PLXNA4: variants seen among roughly 807,000 people sequenced by gnomAD.
PLXNA4 encodes the protein plexin A4.
Under a neutral mutation model 191.8 loss-of-function variants are expected in PLXNA4, and 44 were observed. The observed-to-expected ratio is 0.23, with a 90% CI of 0.18 to 0.29. PLXNA4 has a LOEUF of 0.29. Among genes scored for constraint, PLXNA4 ranks in the 10% least tolerant of loss-of-function variants. The probability of loss-of-function intolerance (pLI) is 1.00; values close to 1 mark genes in which losing one functional copy is unlikely to be tolerated. For missense variants in PLXNA4, 1,800 were observed against 2,488.8 expected (o/e 0.72, Z 5.89); for synonymous variants, 1,082 against 1,009.5 (o/e 1.07, Z -1.36).
At chr7:132,249,334 A>G (rs1799166654) in intron 4 of PLXNA4, among the ~76,000 whole-genome samples, 2 of 152,236 alleles carry the variant, frequency 1.3e-5, no homozygotes, top group Non-Finnish European at 2.9e-5. Flanking sequence ...ATTTGTTGCT[A>G]TTAATAAGAA....
At chr7:132,178,236 C>T (rs76255548) in intron 20 of PLXNA4, among the ~76,000 whole-genome samples, 2,631 of 152,210 alleles carry the variant, frequency 0.017, 34 homozygotes, top group Middle Eastern at 0.037. Flanking sequence ...ACCCCCAGAC[C>T]TCCCCTCGAG....
In PLXNA4 at chr7:132,165,251, G is replaced by A. The variant is rs759151504; in HGVS notation, c.4287-51C>T. On this transcript the variant is annotated intron_variant, in intron 22 of 31. Coordinates refer to ENST00000321063, the MANE Select transcript of PLXNA4 (RefSeq NM_020911.2). ...ACGGAACAAGACAAAGAAAGAAGCAGCTGGTCAGAGCCCGTGGGCTGGGAA... is the reference window on the plus strand; with the variant it reads ...ACGGAACAAGACAAAGAAAGAAGCAACTGGTCAGAGCCCGTGGGCTGGGAA... The A allele has an allele frequency of 6.3e-6, 10 of 1,590,206 alleles. No homozygotes were observed. The East Asian group carries it at 2.0e-4, about 32-fold the overall frequency.
chr7:132,362,848 A>T (rs1317987778), intron 3 of PLXNA4, among the ~76,000 whole-genome samples: 2 of 152,216 alleles, frequency 1.3e-5, no homozygotes, highest in African/African-American at 4.8e-5. Context: ...ATATGCATGC[A>T]TGCTACCTCT....
At chr7:132,169,245 A>G (rs1401432989) in intron 21 of PLXNA4, among the ~76,000 whole-genome samples, 4 of 152,228 alleles carry the variant, frequency 2.6e-5, no homozygotes, top group Admixed American at 1.3e-4. Context: ...ACCCTGCTCT[A>G]TGCAGGGGAA....
chr7:132,343,080 T>C (rs559772816), intron 3 of PLXNA4, among the ~76,000 whole-genome samples: 1 of 152,104 alleles, frequency 6.6e-6, no homozygotes, highest in East Asian at 1.9e-4. Context: ...AAAGTTCTAG[T>C]ACTGAAGATC....
chr7:132,432,270 T>C (rs1795292851), intron 3 of PLXNA4, among the ~76,000 whole-genome samples: 1 of 151,976 alleles, frequency 6.6e-6, no homozygotes, highest in Non-Finnish European at 1.5e-5. Flanking sequence ...TCCCTTCGAA[T>C]CCCGTTTATG....
intron 9 of PLXNA4, among the ~76,000 whole-genome samples, chr7:132,219,572 G>A (rs118023942): frequency 0.014 from 2,073 of 152,210 alleles, 22 homozygotes; most frequent in Non-Finnish European, 0.021. Context: ...TCAGATTATC[G>A]TGCTGTGAGT....
intron 3 of PLXNA4, among the ~76,000 whole-genome samples, chr7:132,304,768 C>T (rs903704587): frequency 2.6e-5 from 4 of 152,058 alleles, no homozygotes; most frequent in Non-Finnish European, 5.9e-5. Context: ...GATTTTGCAA[C>T]CACCCCCAAC....
At chr7:132,396,664 G>A (rs1052308984) in intron 3 of PLXNA4, among the ~76,000 whole-genome samples, 2 of 152,112 alleles carry the variant, frequency 1.3e-5, no homozygotes, top group African/African-American at 4.8e-5. Flanking sequence ...CTAATTTTTT[G>A]TATTTTTGGT....
Position 132,415,592 on chromosome 7 carries a change from C to T in PLXNA4, c.1371+73700G>A, listed in dbSNP as rs1794632564. 4.6e-5 allele frequency among the ~76,000 whole-genome samples: 7 copies of T among 152,306 alleles called. No individual in the cohort carries two copies. In the South Asian group the frequency reaches 1.4e-3, roughly 32 times the overall value. On this transcript the variant is annotated intron_variant, in intron 3 of 31. Transcript: ENST00000321063. ...TAGATAGTCAGCCTGCAAAACATAA[C>T]TCTAATAGGAGATAGATGGTGGAAA...
chr7:132,401,975 G>A (rs1794005328), intron 3 of PLXNA4, among the ~76,000 whole-genome samples: 1 of 152,152 alleles, frequency 6.6e-6, no homozygotes, highest in African/African-American at 2.4e-5. Context: ...AGCAGTCCTT[G>A]TCATGGTTCA....
intron 9 of PLXNA4, among the ~76,000 whole-genome samples, chr7:132,213,165 A>C (rs1328292267): frequency 2.0e-5 from 3 of 152,168 alleles, no homozygotes; most frequent in African/African-American, 4.8e-5. Flanking sequence ...CAAATACTGC[A>C]GGGTTCCACT....
chr7:132,270,591 G>A (rs1422776079), intron 4 of PLXNA4, among the ~76,000 whole-genome samples: 1 of 152,228 alleles, frequency 6.6e-6, no homozygotes, highest in Non-Finnish European at 1.5e-5. Flanking sequence ...ATAGAGGAAT[G>A]AGAGCAAGAA....
intron 4 of PLXNA4, among the ~76,000 whole-genome samples, chr7:132,280,870 G>T (rs1267535559): frequency 6.6e-6 from 1 of 152,100 alleles, no homozygotes; most frequent in South Asian, 2.1e-4. Flanking sequence ...GATTTTGACT[G>T]CACACTTCAT....
At chr7:132,626,592 G>T (rs558792484) in intron 2 of PLXNA4, among the ~76,000 whole-genome samples, 1 of 152,088 alleles carries the variant, frequency 6.6e-6, no homozygotes, top group East Asian at 1.9e-4. Flanking sequence ...CTCCTGCTCC[G>T]GCCATGTAAT....
chr7:132,258,125 G>A (rs779646399), intron 4 of PLXNA4, among the ~76,000 whole-genome samples: 9 of 152,230 alleles, frequency 5.9e-5, no homozygotes, highest in Middle Eastern at 3.2e-3. Context: ...CCCTCATGTC[G>A]GGTCACTGAG....
At chr7:132,626,539 C>T (rs1803377158) in intron 2 of PLXNA4, among the ~76,000 whole-genome samples, 1 of 152,090 alleles carries the variant, frequency 6.6e-6, no homozygotes, top group South Asian at 2.1e-4. Flanking sequence ...CTCGTGAGAG[C>T]TGGTCATTTA....
chr7:132,403,911 A>C (rs749092976), intron 3 of PLXNA4, among the ~76,000 whole-genome samples: 5 of 152,128 alleles, frequency 3.3e-5, no homozygotes, highest in Non-Finnish European at 5.9e-5. Context: ...GGCAGCCAGG[A>C]GAGTCTGCAA....
rs1345882412 is a variant in PLXNA4, at chr7:132,146,606, G to A, written c.4959C>T (p.His1653=). The part of the protein sequence containing the change: ...PDLESGVKMW[H]LVKNHEHGDQ... The stretch of plus-strand genomic sequence containing the variant: ...CTCCGTGCTCGTGGTTCTTCACTAG[G>A]TGCCACATCTTGACTCCACTCTCCA... Residue 1653 remains histidine (H), a synonymous_variant, in exon 28 of 32, where the codon CAC becomes CAT. Transcript: ENST00000321063. 3.7e-6 allele frequency: 6 copies of A among 1,614,150 alleles called. No individual in the cohort carries two copies. The highest frequency in any genetic ancestry group is 3.3e-5 in the Admixed American group (2 of 60,020).
Sources: gnomAD v4.1 joint callset for allele counts (sites outside exome capture counted in the v4.1 genomes callset) on GRCh38, gnomAD v4.1.1 for gene constraint, MANE v1.5 for transcripts, NCBI Gene and HGNC (gene_info 2026-07-23, HGNC 2026-07-21) for gene names.